Variants in GRIK2 observed in about 807,000 individuals in gnomAD.
GRIK2 encodes glutamate receptor ionotropic, kainate 2.
In GRIK2, 32 loss-of-function variants were observed where a neutral mutation model predicts 100.3. The observed-to-expected ratio is 0.32, with a 90% CI of 0.24 to 0.43. The LOEUF (loss-of-function observed/expected upper bound fraction) is 0.43, where lower values mean the gene tolerates loss of function less well. Ranked by LOEUF, GRIK2 falls within the 20% of genes least tolerant of loss-of-function variation. The pLI is 1.00. For missense variants in GRIK2, 843 were observed against 1,114.9 expected (o/e 0.76, Z 3.47); for synonymous variants, 417 against 389.4 (o/e 1.07, Z -0.83).
At chr6:101,840,449 C>T (rs1211999528) in intron 10 of GRIK2, among the ~76,000 whole-genome samples, 1 of 152,142 alleles carries the variant, frequency 6.6e-6, no homozygotes, top group Non-Finnish European at 1.5e-5. Flanking sequence ...ATTGGATACT[C>T]TTAATGACAG....
intron 10 of GRIK2, among the ~76,000 whole-genome samples, chr6:101,841,205 G>A (rs1456483887): frequency 6.6e-6 from 1 of 152,112 alleles, no homozygotes; most frequent in African/African-American, 2.4e-5. Context: ...CAGAATTTCA[G>A]TGTGCTCCAC....
intron 7 of GRIK2, among the ~76,000 whole-genome samples, chr6:101,794,150 C>T (rs966232205): frequency 6.6e-6 from 1 of 152,062 alleles, no homozygotes; most frequent in Non-Finnish European, 1.5e-5. Flanking sequence ...ACTCCCTGAC[C>T]CCTTGCGCTT....
intron 2 of GRIK2, among the ~76,000 whole-genome samples, chr6:101,428,808 T>C (rs2128242206): frequency 6.6e-6 from 1 of 152,340 alleles, no homozygotes. Flanking sequence ...TTAGTGTTAG[T>C]CTGCAGGTGG....
At chr6:101,858,701 A>G (rs1784577882) in intron 10 of GRIK2, among the ~76,000 whole-genome samples, 1 of 151,866 alleles carries the variant, frequency 6.6e-6, no homozygotes, top group Non-Finnish European at 1.5e-5. Context: ...CTTCATCTAT[A>G]TTTTAAAGTA....
At chr6:101,878,977 T>G (rs1273874678) in intron 11 of GRIK2, among the ~76,000 whole-genome samples, 2 of 152,018 alleles carry the variant, frequency 1.3e-5, no homozygotes, top group Non-Finnish European at 2.9e-5. Context: ...TTATAAAGCA[T>G]AGGTCAGCTG....
chr6:101,880,893 G>T (rs1786196873), intron 11 of GRIK2, among the ~76,000 whole-genome samples: 1 of 151,610 alleles, frequency 6.6e-6, no homozygotes, highest in Admixed American at 6.6e-5. Flanking sequence ...TTTATAAAAA[G>T]AGAGCTTAGT....
intron 14 of GRIK2, among the ~76,000 whole-genome samples, chr6:101,996,511 T>G (rs1191197146): frequency 6.6e-6 from 1 of 152,082 alleles, no homozygotes; most frequent in Non-Finnish European, 1.5e-5. Context: ...CAGGAGGATC[T>G]TCATGTTTGG....
chr6:101,902,035 T>TTAGTA (rs1554283053), intron 12 of GRIK2, among the ~76,000 whole-genome samples: 5 of 151,660 alleles, frequency 3.3e-5, no homozygotes, highest in African/African-American at 1.2e-4. Context: ...GCTTAAAAAT[T>TTAGTA]TAAATGATAT....
intron 2 of GRIK2, among the ~76,000 whole-genome samples, chr6:101,519,300 C>CGTGTGTGT (rs55646921): frequency 0.018 from 2,499 of 141,006 alleles, 47 homozygotes; most frequent in African/African-American, 0.043. Flanking sequence ...CGGAGTTAAA[C>CGTGTGTGT]GTGTGTGTGT....
intron 2 of GRIK2, among the ~76,000 whole-genome samples, chr6:101,526,651 T>A (rs1309350135): frequency 1.3e-5 from 2 of 152,190 alleles, no homozygotes; most frequent in African/African-American, 4.8e-5. Context: ...TAGAGCTTAA[T>A]GCTGCCTGTC....
intron 5 of GRIK2, among the ~76,000 whole-genome samples, chr6:101,681,409 T>C: frequency 7.6e-6 from 1 of 131,568 alleles, no homozygotes; most frequent in African/African-American, 3.8e-5. Flanking sequence ...TTTCTATTTT[T>C]TTTTTTTTTT....
intron 2 of GRIK2, among the ~76,000 whole-genome samples, chr6:101,497,935 T>A (rs2128271648): frequency 6.6e-6 from 1 of 151,932 alleles, no homozygotes; most frequent in Non-Finnish European, 1.5e-5. Context: ...GTTACATATG[T>A]ACACATGTGC....
chr6:102,036,228 TA>T (rs879267399), intron 15 of GRIK2, among the ~76,000 whole-genome samples: 1 of 66,716 alleles, frequency 1.5e-5, no homozygotes, highest in East Asian at 4.2e-4. Context: ...GTGCCGTAAG[TA>T]AACACACACA....
intron 12 of GRIK2, among the ~76,000 whole-genome samples, chr6:101,892,762 G>A (rs1787191504): frequency 6.6e-6 from 1 of 151,266 alleles, no homozygotes; most frequent in Admixed American, 6.6e-5. Flanking sequence ...AGAGATTCTT[G>A]GTAAAGTAAT....
chr6:101,548,227 A>G (rs1454081182), intron 2 of GRIK2, among the ~76,000 whole-genome samples: 4 of 152,026 alleles, frequency 2.6e-5, no homozygotes, highest in Non-Finnish European at 4.4e-5. Flanking sequence ...TTAGCCCTTT[A>G]TCAGATGAGT....
intron 14 of GRIK2, among the ~76,000 whole-genome samples, chr6:101,978,280 ATG>A (rs1426682444): frequency 1.3e-5 from 2 of 151,962 alleles, no homozygotes; most frequent in Admixed American, 1.3e-4. Flanking sequence ...GAGTTGTTAT[ATG>A]CACTTAATTA....
chr6:101,753,297 A>AAAAAAAAAAG (rs1776915473), intron 7 of GRIK2, among the ~76,000 whole-genome samples: 1 of 147,246 alleles, frequency 6.8e-6, no homozygotes, highest in African/African-American at 2.6e-5. Flanking sequence ...AAAAAAAAAA[A>AAAAAAAAAAG]AAAAAGAAAA....
At chr6:101,632,383 G>T (rs944904500) in intron 4 of GRIK2, among the ~76,000 whole-genome samples, 1 of 152,134 alleles carries the variant, frequency 6.6e-6, no homozygotes, top group East Asian at 1.9e-4. Context: ...ATGTTGCCTG[G>T]TTGTGGAAGT....
intron 12 of GRIK2, among the ~76,000 whole-genome samples, chr6:101,914,650 T>C (rs758937285): frequency 1.3e-5 from 2 of 151,600 alleles, no homozygotes; most frequent in Non-Finnish European, 3.0e-5. Context: ...TGTTACTCTT[T>C]CTAATTGGAA....
Sources: allele counts gnomAD v4.1 joint callset (sites outside exome capture counted in the v4.1 genomes callset), GRCh38; gene constraint gnomAD v4.1.1; transcripts MANE v1.5; gene names NCBI Gene and HGNC (gene_info 2026-07-23, HGNC 2026-07-21).